UNC13C: variants seen among roughly 807,000 people sequenced by gnomAD.
UNC13C encodes protein unc-13 homolog C.
UNC13C carries 174 observed loss-of-function variants against 245.4 expected under a neutral mutation model. The ratio of observed to expected loss-of-function variants is 0.71; its 90% confidence interval spans 0.63 to 0.80. The LOEUF (loss-of-function observed/expected upper bound fraction) is 0.80, where lower values mean the gene tolerates loss of function less well. Ranked by LOEUF, UNC13C falls within the 30% of genes least tolerant of loss-of-function variation. The pLI, the probability that UNC13C is intolerant of heterozygous loss-of-function variation, is 0.00. For missense variants in UNC13C, 2,829 were observed against 2,602.9 expected (o/e 1.09, Z -1.89); for synonymous variants, 992 against 895.1 (o/e 1.11, Z -1.93).
chr15:54,033,289 C>A, intron 2 of UNC13C, among the ~76,000 whole-genome samples: 1 of 151,940 alleles, frequency 6.6e-6, no homozygotes, highest in African/African-American at 2.4e-5. Flanking sequence ...TGATAAAAAG[C>A]TGAAAATGCA....
intron 10 of UNC13C, among the ~76,000 whole-genome samples, chr15:54,292,266 C>T (rs8033973): frequency 0.093 from 14,111 of 151,886 alleles, 1,350 homozygotes; most frequent in African/African-American, 0.24. Flanking sequence ...CTAAGGTAAT[C>T]ATCAATGAGT....
intron 7 of UNC13C, among the ~76,000 whole-genome samples, chr15:54,246,249 G>A (rs763173585): frequency 5.3e-5 from 8 of 152,082 alleles, no homozygotes; most frequent in Non-Finnish European, 1.2e-4. Flanking sequence ...TTTCTCTAGG[G>A]TGTGAGCATC....
chr15:54,452,632 C>T (rs1177983603), intron 19 of UNC13C, among the ~76,000 whole-genome samples: 1 of 152,208 alleles, frequency 6.6e-6, no homozygotes, highest in South Asian at 2.1e-4. Flanking sequence ...TCAGATTTCC[C>T]CATGGTGCAT....
chr15:54,452,661 G>A (rs1262663692), intron 19 of UNC13C, among the ~76,000 whole-genome samples: 3 of 152,182 alleles, frequency 2.0e-5, no homozygotes, highest in Non-Finnish European at 4.4e-5. Flanking sequence ...GCTGTGGTCA[G>A]ACGGAGTGAT....
intron 2 of UNC13C, 119 bp downstream of exon 2, chr15:54,016,005 G>C: frequency 1.1e-6 from 1 of 885,486 alleles, no homozygotes; most frequent in Non-Finnish European, 1.7e-6. Context: ...GACTTTCCAT[G>C]CTTTACTCTG....
intron 19 of UNC13C, among the ~76,000 whole-genome samples, chr15:54,488,665 G>A (rs1203045075): frequency 6.6e-6 from 1 of 152,098 alleles, no homozygotes; most frequent in East Asian, 1.9e-4. Flanking sequence ...ATGCTTGTAA[G>A]CACCATTTAA....
intron 18 of UNC13C, among the ~76,000 whole-genome samples, chr15:54,395,341 C>G (rs2040047838): frequency 6.6e-6 from 1 of 151,710 alleles, no homozygotes; most frequent in African/African-American, 2.4e-5. Context: ...TTAATCATCT[C>G]CTTGGTTACC....
intron 19 of UNC13C, among the ~76,000 whole-genome samples, chr15:54,464,604 G>T (rs187898373): frequency 6.6e-6 from 1 of 152,010 alleles, no homozygotes; most frequent in Non-Finnish European, 1.5e-5. Context: ...CAAGGAAAAG[G>T]ACTCATCTTA....
At chr15:54,284,861 T>C (rs1201457399) in intron 10 of UNC13C, among the ~76,000 whole-genome samples, 1 of 152,106 alleles carries the variant, frequency 6.6e-6, no homozygotes, top group South Asian at 2.1e-4. Flanking sequence ...TTTAATGTTA[T>C]TTATTAGTCA....
chr15:53,993,213 A>G (rs1034961396), intron 1 of UNC13C, among the ~76,000 whole-genome samples: 2 of 152,110 alleles, frequency 1.3e-5, no homozygotes, highest in East Asian at 3.9e-4. Context: ...AGGTAGAGGG[A>G]AAAGCTGAGC....
At chr15:54,108,150 A>G (rs1900544975) in intron 2 of UNC13C, among the ~76,000 whole-genome samples, 1 of 152,000 alleles carries the variant, frequency 6.6e-6, no homozygotes, top group African/African-American at 2.4e-5. Flanking sequence ...GTTGGATGAT[A>G]GTTTTCTATT....
At chr15:54,155,411 A>G (rs2032699604) in intron 4 of UNC13C, among the ~76,000 whole-genome samples, 1 of 152,214 alleles carries the variant, frequency 6.6e-6, no homozygotes, top group Non-Finnish European at 1.5e-5. Flanking sequence ...CATAAGTCCC[A>G]CTGAGATTCA....
intron 13 of UNC13C, among the ~76,000 whole-genome samples, chr15:54,306,446 A>C (rs1464723410): frequency 1.3e-5 from 2 of 152,012 alleles, no homozygotes; most frequent in Non-Finnish European, 2.9e-5. Flanking sequence ...CATATTTTGC[A>C]TCATGGGGTG....
intron 8 of UNC13C, among the ~76,000 whole-genome samples, chr15:54,252,417 G>A (rs1375253402): frequency 6.6e-6 from 1 of 152,084 alleles, no homozygotes; most frequent in Admixed American, 6.5e-5. Flanking sequence ...TAAATTGGAA[G>A]AATCAAAAAT....
chr15:54,189,164 A>G (rs1409005021), intron 4 of UNC13C, among the ~76,000 whole-genome samples: 1 of 152,148 alleles, frequency 6.6e-6, no homozygotes, highest in Non-Finnish European at 1.5e-5. Context: ...AGACTAGATG[A>G]AAAGCTCATT....
intron 7 of UNC13C, among the ~76,000 whole-genome samples, chr15:54,245,858 G>A (rs8039159): frequency 0.12 from 18,344 of 152,014 alleles, 1,209 homozygotes; most frequent in Middle Eastern, 0.18. Context: ...TATAGGAAAG[G>A]TGTGGCTTAC....
chr15:53,933,091 A>G, the UNC13C span, among the ~76,000 whole-genome samples: 3 of 152,102 alleles, frequency 2.0e-5, no homozygotes, highest in Admixed American at 6.5e-5. Flanking sequence ...TCCTCCAATA[A>G]CAGGCCTTGC....
the UNC13C span, among the ~76,000 whole-genome samples, chr15:53,884,837 TGC>T: frequency 6.6e-6 from 1 of 152,172 alleles, no homozygotes; most frequent in African/African-American, 2.4e-5. Context: ...CTCCTACTGC[TGC>T]TACTTCTCCT....
At chr15:54,161,169 G>T (rs1020373585) in intron 4 of UNC13C, among the ~76,000 whole-genome samples, 1 of 152,094 alleles carries the variant, frequency 6.6e-6, no homozygotes, top group African/African-American at 2.4e-5. Context: ...CACAGTCATG[G>T]CTCACTGCAG....
Sources: gnomAD v4.1 joint callset for allele counts (sites outside exome capture counted in the v4.1 genomes callset) on GRCh38, gnomAD v4.1.1 for gene constraint, MANE v1.5 for transcripts, NCBI Gene and HGNC (gene_info 2026-07-23, HGNC 2026-07-21) for gene names.